GATAD2B: variants seen among roughly 807,000 people sequenced by gnomAD.
The protein encoded by GATAD2B is GATA zinc finger domain containing 2B, also known as transcriptional repressor p66-beta.
In GATAD2B, 8 loss-of-function variants were observed where a neutral mutation model predicts 64.3. The observed-to-expected ratio is 0.12, with a 90% CI of 0.07 to 0.22. The LOEUF (loss-of-function observed/expected upper bound fraction) is 0.22, where lower values mean the gene tolerates loss of function less well. GATAD2B is among the 10% of genes least tolerant of loss of function. The pLI is 1.00. For synonymous variants in GATAD2B, 281 were observed against 271.3 expected (o/e 1.04, Z -0.35); for missense variants, 453 against 752.0 (o/e 0.60, Z 4.65).
intron 1 of GATAD2B, among the ~76,000 whole-genome samples, chr1:153,908,999 G>A (rs970053895): frequency 3.3e-5 from 5 of 151,828 alleles, no homozygotes; most frequent in South Asian, 2.1e-4. Flanking sequence ...CCAAGAGTTC[G>A]AGACCTGCCT....
chr1:153,913,553 T>G (rs1320942782), intron 1 of GATAD2B, among the ~76,000 whole-genome samples: 1 of 152,176 alleles, frequency 6.6e-6, no homozygotes, highest in Non-Finnish European at 1.5e-5. Context: ...CTAAGCTGGT[T>G]GAACTGCAAT....
At chr1:153,909,028 C>T (rs528536540) in intron 1 of GATAD2B, among the ~76,000 whole-genome samples, 92 of 151,938 alleles carry the variant, frequency 6.1e-4, no homozygotes, top group African/African-American at 2.2e-3. Context: ...CAGCGAGATT[C>T]CCATCCCCAC....
chr1:153,841,860 G>A (rs542881328), intron 1 of GATAD2B, among the ~76,000 whole-genome samples: 1 of 152,302 alleles, frequency 6.6e-6, no homozygotes, highest in South Asian at 2.1e-4. Context: ...ATAAGAAACT[G>A]CCAATCTGTT....
Position 153,811,714 on chromosome 1 carries a change from A to G in GATAD2B, c.1648+17T>C. The stretch of plus-strand genomic sequence containing the variant: ...CAGCTGACCCATGAGAAACATTTTC[A>G]GATTAATCCTTCTTACCTGGCATAC... On this transcript the variant is annotated intron_variant, in intron 10 of 10. Transcript: ENST00000368655. 6.8e-7 allele frequency: 1 copy of G among 1,461,740 alleles called. No homozygotes were observed. The highest frequency in any genetic ancestry group is 9.6e-7 in the Non-Finnish European group (1 of 1,041,344). 90.5% of individuals were successfully genotyped at this position (1,461,740 alleles called of 1,614,324 possible).
intron 1 of GATAD2B, among the ~76,000 whole-genome samples, chr1:153,848,074 T>C (rs966343407): frequency 2.6e-5 from 4 of 152,208 alleles, no homozygotes; most frequent in Non-Finnish European, 5.9e-5. Flanking sequence ...GTTAGTTCTA[T>C]TATTTAGCCA....
At position 153,897,802 on chromosome 1, in the gene GATAD2B, T is replaced by G. The variant is rs547484261; in HGVS notation, c.-2+24931A>C. Among the ~76,000 whole-genome samples, 280 of 152,224 alleles carry G rather than the reference T, an allele frequency of 1.8e-3. 1 individual carries two copies. Among genetic ancestry groups the G allele is most frequent in the African/African-American group, 6.5e-3 (269 of 41,550 alleles). ...TAAAAAAATTTTTTTAAAGAATTGC[T>G]GAAAACGATGCACTTCCTCAGTAAC... On this transcript the variant is annotated intron_variant, in intron 1 of 10. Transcript: ENST00000368655.
At chr1:153,811,153 G>A (rs1674279480) in intron 10 of GATAD2B, among the ~76,000 whole-genome samples, 1 of 151,998 alleles carries the variant, frequency 6.6e-6, no homozygotes, top group African/African-American at 2.4e-5. Context: ...CGCCTGCCTC[G>A]GCCTCTCAAA....
intron 1 of GATAD2B, among the ~76,000 whole-genome samples, chr1:153,861,655 C>T (rs940823203): frequency 1.3e-5 from 2 of 148,482 alleles, no homozygotes; most frequent in African/African-American, 2.5e-5. Flanking sequence ...TGGTGGTGCA[C>T]GCCTGTAGTC....
chr1:153,897,033 C>CTTTT (rs764620884), intron 1 of GATAD2B, among the ~76,000 whole-genome samples: 7 of 142,512 alleles, frequency 4.9e-5, no homozygotes, highest in African/African-American at 7.7e-5. Context: ...TCTTAGAACA[C>CTTTT]TTTTTTTTTT....
chr1:153,814,361 GCTT>G (rs1234414081), intron 7 of GATAD2B, among the ~76,000 whole-genome samples: 7 of 152,312 alleles, frequency 4.6e-5, no homozygotes, highest in African/African-American at 1.7e-4. Flanking sequence ...TTGGTTTACA[GCTT>G]TTTATAAGGT....
rs114750899 is a variant in GATAD2B, at chr1:153,867,726, G to A, written c.-1-39378C>T. Among the ~76,000 whole-genome samples the A allele has an allele frequency of 6.0e-3, 912 of 151,940 alleles. 2 individuals are homozygous for A. The highest frequency in any genetic ancestry group is 0.017 in the Middle Eastern group (5 of 286). ...AATATAAATACAAGCCGGGCATGGT[G>A]GTGAGCATCTGTAATCTTAACTACT... On this transcript the variant is annotated intron_variant, in intron 1 of 10. Coordinates refer to ENST00000368655, the MANE Select transcript of GATAD2B (RefSeq NM_020699.4).
At chr1:153,846,557 CTTTTTT>C (rs887230575) in intron 1 of GATAD2B, among the ~76,000 whole-genome samples, 5 of 113,860 alleles carry the variant, frequency 4.4e-5, no homozygotes, top group Non-Finnish European at 5.3e-5. Context: ...TCTTTGCGTT[CTTTTTT>C]TTTTTTTTTT....
chr1:153,886,567 G>T, intron 1 of GATAD2B: 1 of 127,366 alleles, frequency 7.9e-6, no homozygotes, highest in East Asian at 2.3e-4. Context: ...TCGCTCTGTC[G>T]CCCAGGCTGG....
intron 1 of GATAD2B, among the ~76,000 whole-genome samples, chr1:153,856,114 G>A (rs1446443881): frequency 6.6e-6 from 1 of 152,188 alleles, no homozygotes; most frequent in African/African-American, 2.4e-5. Flanking sequence ...TCCTCTGACT[G>A]CCAACTCTTT....
At chr1:153,909,252 C>T (rs1265269644) in intron 1 of GATAD2B, among the ~76,000 whole-genome samples, 7 of 151,742 alleles carry the variant, frequency 4.6e-5, no homozygotes, top group African/African-American at 7.3e-5. Context: ...CTTGCTCTGT[C>T]GCCCAGGCTG....
At position 153,859,011 on chromosome 1, in the gene GATAD2B, T is replaced by C. The variant is rs528075034; in HGVS notation, c.-1-30663A>G. ...AGCAAGGATGTTGCTTGAGACAGGA[T>C]AGCATTTAGCCTGTGCAAGCAACAG... is the stretch of plus-strand genomic sequence containing the variant. On this transcript the variant is annotated intron_variant, in intron 1 of 10. Transcript: ENST00000368655. Among the ~76,000 whole-genome samples the C allele has an allele frequency of 2.6e-5, 4 of 152,126 alleles. No individual in the cohort carries two copies. The East Asian group carries it at 5.8e-4, about 22-fold the overall frequency.
At chr1:153,882,930 G>A (rs1231346577) in intron 1 of GATAD2B, among the ~76,000 whole-genome samples, 2 of 152,214 alleles carry the variant, frequency 1.3e-5, no homozygotes, top group African/African-American at 2.4e-5. Flanking sequence ...CAAAGAGGAA[G>A]AAGGGCAATG....
chr1:153,830,482 A>ATTTAT (rs1675040415), intron 1 of GATAD2B, among the ~76,000 whole-genome samples: 70 of 132,572 alleles, frequency 5.3e-4, no homozygotes, highest in African/African-American at 1.7e-3. Context: ...TTATTTATTT[A>ATTTAT]TTTTTTTTTT....
At chr1:153,859,071 G>A (rs1361256927) in intron 1 of GATAD2B, among the ~76,000 whole-genome samples, 1 of 152,064 alleles carries the variant, frequency 6.6e-6, no homozygotes, top group Non-Finnish European at 1.5e-5. Flanking sequence ...AATCCAAGAC[G>A]GAGGGTGGTA....
Sources: allele counts gnomAD v4.1 joint callset (sites outside exome capture counted in the v4.1 genomes callset), GRCh38; gene constraint gnomAD v4.1.1; transcripts MANE v1.5; gene names NCBI Gene and HGNC (gene_info 2026-07-23, HGNC 2026-07-21).